Variants in UGT2B7 observed in about 807,000 individuals in gnomAD.
UGT2B7 encodes UDP glucuronosyltransferase family 2 member B7.
In UGT2B7, 51 loss-of-function variants were observed where a neutral mutation model predicts 51.9. That is an observed-to-expected ratio of 0.98 (90% CI 0.78 to 1.24). UGT2B7 has a LOEUF of 1.24. Among genes scored for constraint, UGT2B7 ranks in the 50% most tolerant of loss-of-function variants. The pLI, the probability that UGT2B7 is intolerant of heterozygous loss-of-function variation, is 0.00. For synonymous variants in UGT2B7, 225 were observed against 211.6 expected (o/e 1.06, Z -0.55); for missense variants, 727 against 628.4 (o/e 1.16, Z -1.68).
At chr4:69,111,037 G>A (rs2109896335) in intron 5 of UGT2B7, among the ~76,000 whole-genome samples, 1 of 152,192 alleles carries the variant, frequency 6.6e-6, no homozygotes, top group South Asian at 2.1e-4. Context: ...GGTAACATTA[G>A]AAGGAAGCCA....
chr4:69,106,652 C>T (rs891268141), intron 3 of UGT2B7, among the ~76,000 whole-genome samples: 3 of 151,916 alleles, frequency 2.0e-5, no homozygotes, highest in Admixed American at 6.6e-5. Flanking sequence ...GTATTTTTAC[C>T]TCTAGGTTTT....
chr4:69,054,762 C>T (rs1410739251), intron 1 of UGT2B7, among the ~76,000 whole-genome samples: 2 of 152,170 alleles, frequency 1.3e-5, no homozygotes, highest in Middle Eastern at 3.4e-3. Flanking sequence ...GACTGGTCCA[C>T]GCACGGCTGA....
intron 1 of UGT2B7, among the ~76,000 whole-genome samples, chr4:69,064,084 G>GAA (rs879516513): frequency 9.4e-6 from 1 of 106,502 alleles, no homozygotes; most frequent in East Asian, 2.8e-4. Flanking sequence ...AAGAAAGAAA[G>GAA]AAAGAAAGAA....
At position 69,074,894 on chromosome 4, in the gene UGT2B7, T is replaced by C. The variant is rs560784992; in HGVS notation, c.-158-14578T>C. ...TATGTCTTTTGACATCATTTTTTAA[T>C]GCATGTATATGTGTCTGGAGCAGAA... On this transcript the variant is annotated intron_variant, in intron 1 of 5. Transcript: ENST00000502942. 9.1e-4 allele frequency among the ~76,000 whole-genome samples: 138 copies of C among 152,286 alleles called. 1 individual carries two copies. The South Asian group carries it at 0.028, about 31-fold the overall frequency.
At chr4:69,107,323 T>C in intron 4 of UGT2B7, 61 bp downstream of exon 4, 1 of 1,497,020 alleles carries the variant, frequency 6.7e-7, no homozygotes, top group Non-Finnish European at 9.1e-7. Flanking sequence ...GTGTTAATAG[T>C]TCATCATGAA....
intron 1 of UGT2B7, among the ~76,000 whole-genome samples, chr4:69,076,390 C>A (rs893582436): frequency 6.6e-6 from 1 of 152,192 alleles, no homozygotes; most frequent in Non-Finnish European, 1.5e-5. Context: ...CTAATTTACA[C>A]TCTCACCAAC....
At chr4:69,088,804 G>A (rs908155081) in intron 1 of UGT2B7, among the ~76,000 whole-genome samples, 1 of 152,076 alleles carries the variant, frequency 6.6e-6, no homozygotes, top group South Asian at 2.1e-4. Context: ...TGCCTCTCCT[G>A]AGGTAGGACA....
intron 1 of UGT2B7, among the ~76,000 whole-genome samples, chr4:69,079,918 T>C (rs908694169): frequency 2.0e-5 from 3 of 152,180 alleles, no homozygotes; most frequent in African/African-American, 7.2e-5. Context: ...CTGAGTTTTG[T>C]ATATAGCTTG....
Position 69,112,808 on chromosome 4 carries a change from G to T in UGT2B7, c.*72G>T. On this transcript the variant is annotated 3_prime_UTR_variant, in exon 6 of 6. Transcript: ENST00000305231. Reference sequence around the variant, plus strand: ...TCAGTTTATTCCAGCAAGAAAGATTGTGATGCAAGATTTCTTTCTTCCTGA... The same window carrying T: ...TCAGTTTATTCCAGCAAGAAAGATTTTGATGCAAGATTTCTTTCTTCCTGA... The T allele has an allele frequency of 7.1e-7, 1 of 1,401,276 alleles. No homozygotes were observed. Among genetic ancestry groups the T allele is most frequent in the South Asian group, 1.6e-5 (1 of 63,806 alleles). The allele number at this position is 1,401,276 out of a possible 1,614,324, so 86.8% of individuals were successfully genotyped here. A position where few individuals can be genotyped will look rare whatever the true frequency, so the allele number is the denominator to read the frequency against.
upstream of UGT2B7, chr4:69,096,328 G>C: frequency 1.2e-6 from 1 of 841,100 alleles, no homozygotes; most frequent in Non-Finnish European, 1.8e-6. Flanking sequence ...AATCACATCT[G>C]TGTGAACAGA....
intron 1 of UGT2B7, among the ~76,000 whole-genome samples, chr4:69,059,788 G>A (rs1401741848): frequency 6.6e-6 from 1 of 152,196 alleles, no homozygotes; most frequent in Non-Finnish European, 1.5e-5. Context: ...AAGCCGTCTG[G>A]TGAATATAGA....
At chr4:69,067,437 T>C (rs1718504415) in intron 1 of UGT2B7, 2 of 159,272 alleles carry the variant, frequency 1.3e-5, no homozygotes, top group African/African-American at 4.8e-5. Flanking sequence ...TAACTCATGA[T>C]GGATCCAATG....
intron 2 of UGT2B7, among the ~76,000 whole-genome samples, chr4:69,101,309 T>G (rs1415005864): frequency 6.6e-6 from 1 of 152,040 alleles, no homozygotes; most frequent in Non-Finnish European, 1.5e-5. Flanking sequence ...ATAAATAATA[T>G]CACAACATAA....
chr4:69,072,283 A>T (rs1364929386), intron 1 of UGT2B7, among the ~76,000 whole-genome samples: 3 of 152,170 alleles, frequency 2.0e-5, no homozygotes, highest in Non-Finnish European at 4.4e-5. Context: ...AACTCTAAGT[A>T]GTCACATGGA....
chr4:69,079,082 C>A (rs1372189889), intron 1 of UGT2B7, among the ~76,000 whole-genome samples: 2 of 152,132 alleles, frequency 1.3e-5, no homozygotes, highest in Non-Finnish European at 2.9e-5. Context: ...GGAAGCTGAG[C>A]CCTCCAGCTG....
chr4:69,064,092 GAAA>G (rs1718429039), intron 1 of UGT2B7, among the ~76,000 whole-genome samples: 1 of 98,246 alleles, frequency 1.0e-5, no homozygotes, highest in South Asian at 3.3e-4. Context: ...AAGAAAGAAA[GAAA>G]GAGAAAGAAA....
At chr4:69,067,416 C>G (rs1427195342) in intron 1 of UGT2B7, 1 of 158,884 alleles carries the variant, frequency 6.3e-6, no homozygotes, top group Non-Finnish European at 1.5e-5. Flanking sequence ...ATCCACAAAC[C>G]AAAGCTTTTA....
chr4:69,091,519 C>T (rs1719084544), upstream of UGT2B7, among the ~76,000 whole-genome samples: 1 of 152,022 alleles, frequency 6.6e-6, no homozygotes, highest in South Asian at 2.1e-4. Context: ...TAATAAACAT[C>T]AAGTTTCAAA....
At chr4:69,098,464 A>C in intron 1 of UGT2B7, 76 bp from the exon 2 acceptor site, 3 of 1,552,220 alleles carry the variant, frequency 1.9e-6, no homozygotes, top group South Asian at 1.2e-5. Context: ...TGCCTACATT[A>C]TTCTAACCCC....
Sources: gnomAD v4.1 joint callset for allele counts (sites outside exome capture counted in the v4.1 genomes callset) on GRCh38, gnomAD v4.1.1 for gene constraint, MANE v1.5 for transcripts, NCBI Gene and HGNC (gene_info 2026-07-23, HGNC 2026-07-21) for gene names.